The following HYDIN variants were observed in gnomAD, a reference collection of about 807,000 sequenced individuals.
HYDIN encodes HYDIN axonemal central pair apparatus protein, also known as axonemal central pair apparatus protein HYDIN.
HYDIN carries 132 observed loss-of-function variants against 403.9 expected under a neutral mutation model. The ratio of observed to expected loss-of-function variants is 0.33; its 90% confidence interval spans 0.28 to 0.38. The LOEUF is 0.38. HYDIN is among the 10% of genes least tolerant of loss of function. The probability of loss-of-function intolerance (pLI) is 1.00; values close to 1 mark genes in which losing one functional copy is unlikely to be tolerated. For synonymous variants in HYDIN, 1,202 were observed against 1,891.7 expected (o/e 0.64, Z 9.46); for missense variants, 2,827 against 5,009.5 (o/e 0.56, Z 13.15).
chr16:70,996,496 T>C (rs1051688477), intron 23 of HYDIN, among the ~76,000 whole-genome samples: 4 of 152,020 alleles, frequency 2.6e-5, no homozygotes, highest in African/African-American at 9.6e-5. Flanking sequence ...TCCCCACTTG[T>C]GCACTATGGG....
chr16:71,088,596 T>C, intron 11 of HYDIN, 72 bp from the exon 12 acceptor site: 3 of 615,466 alleles, frequency 4.9e-6, no homozygotes, highest in South Asian at 2.1e-5. Context: ...CATGTGTCTG[T>C]ACTGTTTAAC....
At chr16:70,953,509 C>T (rs1332470193) in intron 40 of HYDIN, among the ~76,000 whole-genome samples, 1 of 152,164 alleles carries the variant, frequency 6.6e-6, no homozygotes, top group Non-Finnish European at 1.5e-5. Context: ...TCCTTGACTT[C>T]CCTGACAGTC....
chr16:70,980,138 T>C (rs1188697716), intron 29 of HYDIN, among the ~76,000 whole-genome samples: 7 of 150,208 alleles, frequency 4.7e-5, no homozygotes, highest in Non-Finnish European at 4.4e-5. Flanking sequence ...CCTGAAATTA[T>C]ATGTAGAGCT....
At chr16:70,824,616 C>T (rs1461032886) in intron 83 of HYDIN, among the ~76,000 whole-genome samples, 1 of 150,242 alleles carries the variant, frequency 6.7e-6, no homozygotes, top group Non-Finnish European at 1.5e-5. Flanking sequence ...CAACCTCTGC[C>T]TCCTGGGTTC....
At chr16:71,072,050 G>A (rs1193332395) in intron 13 of HYDIN, among the ~76,000 whole-genome samples, 1 of 150,176 alleles carries the variant, frequency 6.7e-6, no homozygotes, top group Admixed American at 6.7e-5. Context: ...TTTGGACATA[G>A]AAAATTTAGC....
In HYDIN at chr16:71,185,005, A is replaced by G; in HGVS notation, c.136-15T>C. 6.4e-7 allele frequency: 1 copy of G among 1,570,520 alleles called. No individual in the cohort carries two copies. Among genetic ancestry groups the G allele is most frequent in the East Asian group, 2.3e-5 (1 of 44,348 alleles). On this transcript the variant is annotated splice_polypyrimidine_tract_variant and intron_variant, in intron 2 of 85. Coordinates refer to ENST00000393567, the MANE Select transcript of HYDIN (RefSeq NM_001270974.2). ...GAGGGTGTAAGCTAGAATGTAAAACAATAAGAACCAAAGATTCTTAAGTGG... is the reference window on the plus strand; with the variant it reads ...GAGGGTGTAAGCTAGAATGTAAAACGATAAGAACCAAAGATTCTTAAGTGG...
intron 13 of HYDIN, among the ~76,000 whole-genome samples, chr16:71,076,643 CCTT>C (rs1452097353): frequency 7.1e-5 from 2 of 28,210 alleles, no homozygotes; most frequent in Non-Finnish European, 9.9e-5. Flanking sequence ...CTTTCATAGA[CCTT>C]CTATTCTGTT....
intron 23 of HYDIN, 27 bp from the exon 24 acceptor site, chr16:70,992,237 G>A (rs555457707): frequency 1.3e-6 from 2 of 1,534,672 alleles, no homozygotes; most frequent in East Asian, 2.3e-5. Context: ...CAGGGAATAG[G>A]GGGAGACAGG....
chr16:70,822,486 T>C (rs1249840184), intron 83 of HYDIN, among the ~76,000 whole-genome samples: 1 of 152,146 alleles, frequency 6.6e-6, no homozygotes, highest in African/African-American at 2.4e-5. Flanking sequence ...CAACAAAGGA[T>C]TTAGAATATT....
intron 9 of HYDIN, among the ~76,000 whole-genome samples, chr16:71,120,171 TGTAA>T (rs2084205237): frequency 6.6e-6 from 1 of 151,326 alleles, no homozygotes; most frequent in Non-Finnish European, 1.5e-5. Flanking sequence ...GGATTGAATC[TGTAA>T]GTGACTATGA....
At chr16:71,214,664 G>T (rs1184400306) in intron 1 of HYDIN, among the ~76,000 whole-genome samples, 1 of 152,154 alleles carries the variant, frequency 6.6e-6, no homozygotes, top group African/African-American at 2.4e-5. Context: ...TTGACCAGTG[G>T]GAGACAGACA....
Position 70,896,032 on chromosome 16 carries a change from T to C in HYDIN, c.9097A>G (p.Met3033Val), listed in dbSNP as rs771874682. ...LLGVVQIENI[M>V]VFAEAYDIAL... is the part of the protein sequence containing the mutation. ...ATGTCGTATGCCTCTGCAAAGACCA[T>C]GATATTTTCAATCTGAACAACACCA... Residue 3033 changes from methionine to valine, a missense_variant, in exon 54 of 86, where the codon ATG becomes GTG. By Grantham distance (21) the Met-to-Val change is conservative (BLOSUM62 1). Transcript: ENST00000393567. 9 of 1,612,460 alleles carry C rather than the reference T, an allele frequency of 5.6e-6. No homozygotes were observed. The South Asian group carries it at 9.9e-5, about 18-fold the overall frequency.
At chr16:70,904,594 G>C (rs1177088619) in intron 50 of HYDIN, among the ~76,000 whole-genome samples, 2 of 97,328 alleles carry the variant, frequency 2.1e-5, no homozygotes, top group African/African-American at 7.9e-5. Flanking sequence ...TCCACCTCCT[G>C]GGTTCAAGCA....
At chr16:71,168,229 G>A (rs2086316689) in intron 5 of HYDIN, among the ~76,000 whole-genome samples, 1 of 143,438 alleles carries the variant, frequency 7.0e-6, no homozygotes, top group Non-Finnish European at 1.5e-5. Context: ...TGAGACAGGA[G>A]AATAGCTTGA....
chr16:70,845,940 T>A (rs1362441909), intron 75 of HYDIN, among the ~76,000 whole-genome samples: 2 of 150,830 alleles, frequency 1.3e-5, no homozygotes, highest in Admixed American at 1.3e-4. Flanking sequence ...CTTTTTTTCT[T>A]TATTAGTCTT....
chr16:70,859,295 T>C (rs1355086746), intron 71 of HYDIN, among the ~76,000 whole-genome samples: 5 of 151,854 alleles, frequency 3.3e-5, no homozygotes, highest in Non-Finnish European at 5.9e-5. Flanking sequence ...AGCAAGACTC[T>C]GTCTCAAAAA....
intron 45 of HYDIN, among the ~76,000 whole-genome samples, chr16:70,928,950 G>C (rs934994327): frequency 1.4e-5 from 2 of 140,342 alleles, no homozygotes; most frequent in Non-Finnish European, 3.1e-5. Context: ...CCAGATGCAA[G>C]GCTTTCTTCT....
chr16:71,019,692 C>T (rs1172202635), intron 22 of HYDIN, among the ~76,000 whole-genome samples: 1 of 151,990 alleles, frequency 6.6e-6, no homozygotes, highest in African/African-American at 2.4e-5. Flanking sequence ...TATAAAAGCA[C>T]AAAGAAGAAA....
intron 83 of HYDIN, among the ~76,000 whole-genome samples, chr16:70,821,842 C>A (rs1417973628): frequency 6.6e-6 from 1 of 152,106 alleles, no homozygotes; most frequent in Non-Finnish European, 1.5e-5. Flanking sequence ...TGGATGACAG[C>A]ACATCTGATT....
Sources: gnomAD v4.1 joint callset for allele counts (sites outside exome capture counted in the v4.1 genomes callset) on GRCh38, gnomAD v4.1.1 for gene constraint, MANE v1.5 for transcripts, NCBI Gene and HGNC (gene_info 2026-07-23, HGNC 2026-07-21) for gene names.